Variants in GPC3 observed in about 807,000 individuals in gnomAD.
GPC3 encodes the protein glypican 3.
Under a neutral mutation model 34.4 loss-of-function variants are expected in GPC3, and 3 were observed. The observed-to-expected ratio is 0.09, with a 90% confidence interval of 0.04 to 0.23. GPC3 has a LOEUF of 0.23. GPC3 is among the 10% of genes least tolerant of loss of function. The pLI is 1.00. For missense variants in GPC3, 351 were observed against 445.6 expected (o/e 0.79, Z 1.91); for synonymous variants, 177 against 174.0 (o/e 1.02, Z -0.13).
intron 6 of GPC3, among the ~76,000 whole-genome samples, chrX:133,661,250 T>C (rs952943396): frequency 1.8e-5 from 2 of 112,021 alleles, no homozygotes; most frequent in Admixed American, 1.9e-4. Flanking sequence ...ATAGTGTTAA[T>C]TTTCAGAACT....
chrX:133,636,211 T>A (rs771389570), intron 6 of GPC3, among the ~76,000 whole-genome samples: 1 of 112,822 alleles, frequency 8.9e-6, no homozygotes, highest in Non-Finnish European at 1.9e-5. Context: ...GAAATGCGAT[T>A]GCTATTTAAT....
intron 3 of GPC3, among the ~76,000 whole-genome samples, chrX:133,711,858 T>C (rs1337024474): frequency 8.9e-6 from 1 of 112,042 alleles, no homozygotes; most frequent in Non-Finnish European, 1.9e-5. Context: ...ACTGGCTATC[T>C]AGGTTATGCA....
chrX:133,744,047 A>G (rs2071588312), intron 3 of GPC3, among the ~76,000 whole-genome samples: 1 of 112,390 alleles, frequency 8.9e-6, no homozygotes, highest in African/African-American at 3.2e-5. Flanking sequence ...TAAAACCTAA[A>G]ACCATAAAAA....
At chrX:133,916,255 T>G (rs1163141500) in intron 2 of GPC3, among the ~76,000 whole-genome samples, 1 of 111,212 alleles carries the variant, frequency 9.0e-6, no homozygotes, top group Non-Finnish European at 1.9e-5. Flanking sequence ...GGAAAAAATG[T>G]TCACAATATA....
chrX:133,722,449 CTT>C (rs1454575078), intron 3 of GPC3, among the ~76,000 whole-genome samples: 1 of 111,931 alleles, frequency 8.9e-6, no homozygotes, highest in African/African-American at 3.2e-5. Flanking sequence ...AAATTTTGAT[CTT>C]ATTTTCTCAC....
At chrX:133,785,958 A>C (rs1454385051) in intron 2 of GPC3, among the ~76,000 whole-genome samples, 1 of 112,649 alleles carries the variant, frequency 8.9e-6, no homozygotes, top group Non-Finnish European at 1.9e-5. Context: ...AGTATAATAT[A>C]AAACCTATAG....
intron 2 of GPC3, among the ~76,000 whole-genome samples, chrX:133,761,318 G>A (rs1441333933): frequency 8.9e-6 from 1 of 112,323 alleles, no homozygotes; most frequent in African/African-American, 3.2e-5. Flanking sequence ...GACACTAAAA[G>A]TGTTGCTCCA....
intron 2 of GPC3, among the ~76,000 whole-genome samples, chrX:133,934,935 A>G (rs1037098284): frequency 9.0e-6 from 1 of 111,422 alleles, no homozygotes; most frequent in Non-Finnish European, 1.9e-5. Context: ...CACAGCTTCA[A>G]TCACATCAGG....
At chrX:133,802,612 TC>T (rs1281906683) in intron 2 of GPC3, among the ~76,000 whole-genome samples, 1 of 112,240 alleles carries the variant, frequency 8.9e-6, no homozygotes, top group Non-Finnish European at 1.9e-5. Flanking sequence ...TGTCCTACCC[TC>T]CGTATCTCAC....
intron 2 of GPC3, among the ~76,000 whole-genome samples, chrX:133,890,064 T>A (rs963553185): frequency 2.7e-5 from 3 of 110,767 alleles, no homozygotes; most frequent in Non-Finnish European, 5.7e-5. Flanking sequence ...CCACTGCACC[T>A]GGCCTCTAGC....
At chrX:133,559,948 TTC>T (rs940243387) in intron 7 of GPC3, among the ~76,000 whole-genome samples, 2 of 111,278 alleles carry the variant, frequency 1.8e-5, no homozygotes, top group African/African-American at 6.5e-5. Flanking sequence ...ATCTCTCTTT[TTC>T]TCTCTCTAAT....
chrX:133,917,778 T>C, intron 2 of GPC3, among the ~76,000 whole-genome samples: 1 of 111,785 alleles, frequency 8.9e-6, no homozygotes, highest in African/African-American at 3.2e-5. Flanking sequence ...CCCCACCACC[T>C]CTCAAATACT....
At chrX:133,617,353 G>A (rs1288775338) in intron 6 of GPC3, among the ~76,000 whole-genome samples, 1 of 112,347 alleles carries the variant, frequency 8.9e-6, no homozygotes, top group African/African-American at 3.2e-5. Flanking sequence ...CAGTCAGGAA[G>A]AGGACTTTGA....
chrX:133,699,721 G>A (rs1336125021), intron 4 of GPC3, among the ~76,000 whole-genome samples, 174 bp downstream of exon 4: 2 of 111,732 alleles, frequency 1.8e-5, no homozygotes, highest in Non-Finnish European at 3.8e-5. Flanking sequence ...AATATGCCTT[G>A]GATATAATAC....
At chrX:133,703,955 G>A (rs996708680) in intron 3 of GPC3, among the ~76,000 whole-genome samples, 3 of 112,291 alleles carry the variant, frequency 2.7e-5, no homozygotes, top group African/African-American at 9.7e-5. Flanking sequence ...ACTAATGATA[G>A]CTGATGAGAT....
chrX:133,938,235 A>G (rs1356927441), intron 2 of GPC3, among the ~76,000 whole-genome samples: 1 of 112,045 alleles, frequency 8.9e-6, no homozygotes, highest in Non-Finnish European at 1.9e-5. Context: ...TCCTCACAAA[A>G]ACCATGTAAG....
At chrX:133,910,308 A>T (rs1424740032) in intron 2 of GPC3, among the ~76,000 whole-genome samples, 1 of 111,507 alleles carries the variant, frequency 9.0e-6, no homozygotes, top group African/African-American at 3.3e-5. Flanking sequence ...GCTGTTGTAG[A>T]AGCACCCCCA....
intron 1 of GPC3, among the ~76,000 whole-genome samples, chrX:133,959,618 T>C (rs1183329371): frequency 8.9e-6 from 1 of 112,626 alleles, no homozygotes; most frequent in Non-Finnish European, 1.9e-5. Flanking sequence ...CTTTTTGCCC[T>C]TATCTATAAC....
chrX:133,949,990 T>A (rs1050098163), intron 2 of GPC3, among the ~76,000 whole-genome samples: 4 of 112,078 alleles, frequency 3.6e-5, no homozygotes, highest in African/African-American at 1.3e-4. Context: ...GAGATAATTA[T>A]GTAAAAGTCA....
Sources: allele counts gnomAD v4.1 joint callset (sites outside exome capture counted in the v4.1 genomes callset), GRCh38; gene constraint gnomAD v4.1.1; transcripts MANE v1.5; gene names NCBI Gene and HGNC (gene_info 2026-07-23, HGNC 2026-07-21).